Variants in RAB11FIP4 observed in about 807,000 individuals in gnomAD.
RAB11FIP4 encodes rab11 family-interacting protein 4.
A neutral mutation model predicts 74.3 loss-of-function variants in RAB11FIP4; 23 were observed. That is an observed-to-expected ratio of 0.31 (90% confidence interval 0.22 to 0.44). The LOEUF (loss-of-function observed/expected upper bound fraction) is 0.44. Ranked by LOEUF, RAB11FIP4 falls within the 20% of genes least tolerant of loss-of-function variation. RAB11FIP4 has a pLI of 1.00. For missense variants in RAB11FIP4, 630 were observed against 863.9 expected (o/e 0.73, Z 3.39); for synonymous variants, 360 against 359.9 (o/e 1.00, Z 0.00).
intron 8 of RAB11FIP4, 68 bp downstream of exon 8, chr17:31,523,679 A>C: frequency 6.8e-7 from 1 of 1,465,658 alleles, no homozygotes. Context: ...GGGTGCACTC[A>C]GGCTACTGTC....
At chr17:31,448,247 TC>T (rs1480390388) in intron 3 of RAB11FIP4, among the ~76,000 whole-genome samples, 8 of 151,790 alleles carry the variant, frequency 5.3e-5, no homozygotes. Flanking sequence ...GTTTTCCTTT[TC>T]TTTTTTTTAA....
At chr17:31,428,048 C>T (rs2071270656) in intron 1 of RAB11FIP4, among the ~76,000 whole-genome samples, 2 of 152,168 alleles carry the variant, frequency 1.3e-5, no homozygotes, top group South Asian at 2.1e-4. Flanking sequence ...TGGCACGGCC[C>T]CTCTGCCCTT....
chr17:31,521,337 C>T lies in RAB11FIP4; in HGVS notation c.735C>T (p.Asp245=). The T allele has an allele frequency of 6.2e-7, 1 of 1,609,936 alleles. No homozygotes were observed. Among genetic ancestry groups the T allele is most frequent in the Non-Finnish European group, 8.5e-7 (1 of 1,178,064 alleles). The change falls in exon 5 of 15, where the codon GAC becomes GAT. Residue 245 remains aspartate, a synonymous_variant. Transcript: ENST00000621161. ...AGACCAGGACCAACGTCTACTCGGA[C>T]CTGGGGTCTTCGGTGTCTTCCAGGT... ...DDETRTNVYS[D]LGSSVSSSAG...
intron 3 of RAB11FIP4, among the ~76,000 whole-genome samples, chr17:31,444,888 A>G (rs932202453): frequency 6.6e-6 from 1 of 152,128 alleles, no homozygotes; most frequent in Non-Finnish European, 1.5e-5. Context: ...AGTTATCCCT[A>G]CCTGCTGCTT....
chr17:31,449,396 G>A (rs528607825), intron 3 of RAB11FIP4, among the ~76,000 whole-genome samples: 4 of 152,194 alleles, frequency 2.6e-5, no homozygotes, highest in Admixed American at 1.3e-4. Flanking sequence ...GGAAGCACCC[G>A]CTTGACCACA....
chr17:31,527,782 G>A, intron 10 of RAB11FIP4, 60 bp from the exon 11 acceptor site: 2 of 1,295,018 alleles, frequency 1.5e-6, no homozygotes, highest in Non-Finnish European at 2.2e-6. Context: ...CAGACTGGCA[G>A]GCGCTTATCA....
chr17:31,482,595 AAAAAGAAAAAAAAAAG>A (rs373223662), intron 3 of RAB11FIP4, among the ~76,000 whole-genome samples: 3,230 of 152,014 alleles, frequency 0.021, 124 homozygotes, highest in African/African-American at 0.074. Flanking sequence ...TAAAAGAAAA[AAAAAGAAAAAAAAAAG>A]AAAAGAAAAA....
rs1166121684 is a variant in RAB11FIP4 at position 31,522,057 on chromosome 17, C to G, written c.893+8C>G. 6.2e-7 allele frequency: 1 copy of G among 1,613,788 alleles called. No homozygotes were observed. The highest frequency in any genetic ancestry group is 1.3e-5 in the African/African-American group (1 of 74,914). ...AAACCTGAAGGCCAACAGGTGAGGCCCAGGCCCAGCTGGGGGGTGAGAGGC... is the reference window on the plus strand; with the variant it reads ...AAACCTGAAGGCCAACAGGTGAGGCGCAGGCCCAGCTGGGGGGTGAGAGGC... On this transcript the variant is annotated splice_region_variant and intron_variant, in intron 6 of 14. Coordinates refer to ENST00000621161, the MANE Select transcript of RAB11FIP4 (RefSeq NM_032932.6).
intron 3 of RAB11FIP4, among the ~76,000 whole-genome samples, chr17:31,496,119 T>C (rs2072111503): frequency 6.6e-6 from 1 of 152,242 alleles, no homozygotes; most frequent in Non-Finnish European, 1.5e-5. Context: ...CTGGGGAACT[T>C]ATATAATTTG....
intron 3 of RAB11FIP4, among the ~76,000 whole-genome samples, chr17:31,479,950 T>A (rs1022805340): frequency 7.2e-5 from 11 of 152,170 alleles, no homozygotes; most frequent in African/African-American, 2.7e-4. Context: ...GATAATTGTT[T>A]TAAAGTCCTC....
chr17:31,524,578 G>C (rs1356544342), intron 9 of RAB11FIP4: 2 of 177,486 alleles, frequency 1.1e-5, no homozygotes, highest in African/African-American at 2.4e-5. Flanking sequence ...CTGGTGGAGG[G>C]GCTGTTGCCA....
chr17:31,418,875 T>G (rs575572657), intron 1 of RAB11FIP4, among the ~76,000 whole-genome samples: 1 of 152,270 alleles, frequency 6.6e-6, no homozygotes, highest in South Asian at 2.1e-4. Flanking sequence ...TTACATAGAC[T>G]CCTGTGACTC....
At chr17:31,480,558 T>C (rs2071836659) in intron 3 of RAB11FIP4, among the ~76,000 whole-genome samples, 1 of 151,764 alleles carries the variant, frequency 6.6e-6, no homozygotes, top group Non-Finnish European at 1.5e-5. Context: ...GAGGCCGAGG[T>C]GGGTGGATCG....
intron 1 of RAB11FIP4, among the ~76,000 whole-genome samples, chr17:31,410,409 A>G (rs2071082294): frequency 6.6e-6 from 1 of 152,184 alleles, no homozygotes; most frequent in East Asian, 1.9e-4. Flanking sequence ...GTGGTATTGC[A>G]TAGTAGAAAA....
intron 1 of RAB11FIP4, among the ~76,000 whole-genome samples, chr17:31,401,621 G>A (rs926770798): frequency 2.0e-5 from 3 of 152,224 alleles, no homozygotes; most frequent in Non-Finnish European, 4.4e-5. Flanking sequence ...CGCAAAACCC[G>A]GAGAAGATTG....
intron 3 of RAB11FIP4, among the ~76,000 whole-genome samples, chr17:31,517,340 G>A (rs1490230986): frequency 6.6e-6 from 1 of 152,016 alleles, no homozygotes; most frequent in Non-Finnish European, 1.5e-5. Flanking sequence ...ACCCTATTCT[G>A]CCTCAGTGGG....
intron 3 of RAB11FIP4, among the ~76,000 whole-genome samples, chr17:31,506,820 A>G (rs1012438424): frequency 1.4e-4 from 22 of 152,160 alleles, no homozygotes; most frequent in Admixed American, 2.6e-4. Flanking sequence ...TATTTTGGCT[A>G]TTGTGAATTG....
At chr17:31,422,328 C>G (rs1487611966) in intron 1 of RAB11FIP4, among the ~76,000 whole-genome samples, 1 of 152,186 alleles carries the variant, frequency 6.6e-6, no homozygotes, top group East Asian at 1.9e-4. Flanking sequence ...TTAGGTTAAG[C>G]TGGTTAGTGG....
intron 1 of RAB11FIP4, among the ~76,000 whole-genome samples, chr17:31,421,232 T>A (rs1480465301): frequency 1.3e-5 from 2 of 152,008 alleles, no homozygotes; most frequent in Middle Eastern, 3.2e-3. Flanking sequence ...TTTCTTTTCT[T>A]TTTTTTTGAG....
Sources: gnomAD v4.1 joint callset for allele counts (sites outside exome capture counted in the v4.1 genomes callset) on GRCh38, gnomAD v4.1.1 for gene constraint, MANE v1.5 for transcripts, NCBI Gene and HGNC (gene_info 2026-07-23, HGNC 2026-07-21) for gene names.